The following RPS10 variants were observed in gnomAD, a reference collection of about 807,000 sequenced individuals.
RPS10 encodes the protein ribosomal protein S10.
In RPS10, 2 loss-of-function variants were observed where a neutral mutation model predicts 22.6. That is an observed-to-expected ratio of 0.09 (90% CI 0.04 to 0.28). RPS10 has a LOEUF of 0.28. RPS10 is among the 10% of genes least tolerant of loss of function. RPS10 has a pLI of 1.00. For missense variants in RPS10, 137 were observed against 222.2 expected (o/e 0.62, Z 2.44); for synonymous variants, 70 against 75.9 (o/e 0.92, Z 0.40).
rs368563040 is a variant in RPS10, at chr6:34,424,787, G to A, written c.204C>T (p.Tyr68=). 2.2e-5 allele frequency: 36 copies of A among 1,614,146 alleles called. No homozygotes were observed. The highest frequency in any genetic ancestry group is 1.6e-4 in the Middle Eastern group (1 of 6,062). ...GGATACCCTCATTGGTAAGGTACCA[G>A]TAGAAATGTCTCCAGGCAAACTGTT... ...VKEQFAWRHF[Y]WYLTNEGIQY... is the part of the protein sequence containing the mutation. Residue 68 remains tyrosine, a synonymous_variant, in exon 3 of 6, where the codon TAC becomes TAT. Coordinates refer to ENST00000648437, the MANE Select transcript of RPS10 (RefSeq NM_001014.5).
intron 4 of RPS10, among the ~76,000 whole-genome samples, chr6:34,418,786 A>G (rs896053539): frequency 6.6e-6 from 1 of 152,166 alleles, no homozygotes; most frequent in African/African-American, 2.4e-5. Flanking sequence ...AAAAGCCTTA[A>G]TTACCACCAT....
chr6:34,425,025 G>A, intron 2 of RPS10, 47 bp downstream of exon 2: 1 of 1,610,924 alleles, frequency 6.2e-7, no homozygotes, highest in Non-Finnish European at 8.5e-7. Context: ...CCCGGGATGG[G>A]ATCCCGGGGA....
chr6:34,421,988 G>T (rs1207793352), intron 3 of RPS10, among the ~76,000 whole-genome samples, 181 bp from the exon 4 acceptor site: 2 of 147,236 alleles, frequency 1.4e-5, no homozygotes, highest in East Asian at 2.0e-4. Flanking sequence ...TTTCTCCATA[G>T]AAACTTATTG....
At chr6:34,421,978 T>C (rs1765784516) in intron 3 of RPS10, among the ~76,000 whole-genome samples, 171 bp from the exon 4 acceptor site, 1 of 151,708 alleles carries the variant, frequency 6.6e-6, no homozygotes, top group Admixed American at 6.6e-5. Flanking sequence ...GAAATAATTA[T>C]TTCTCCATAG....
At chr6:34,418,013 G>A (rs1765635314) in intron 5 of RPS10, 1 of 702,110 alleles carries the variant, frequency 1.4e-6, no homozygotes, top group Non-Finnish European at 2.5e-6. Flanking sequence ...GAGGCAGAGG[G>A]GAACCTACCT....
chr6:34,424,589 C>T, intron 3 of RPS10, 80 bp downstream of exon 3: 4 of 1,568,768 alleles, frequency 2.5e-6, no homozygotes, highest in Admixed American at 3.6e-5. Context: ...CTAAAGCTGA[C>T]ATCAGCTAAG....
intron 5 of RPS10, 107 bp downstream of exon 5, chr6:34,418,262 T>C: frequency 6.3e-7 from 1 of 1,587,738 alleles, no homozygotes; most frequent in Non-Finnish European, 8.6e-7. Flanking sequence ...AGGGAACTGG[T>C]TGACAGGACC....
intron 3 of RPS10, among the ~76,000 whole-genome samples, chr6:34,422,361 T>G (rs1765797369): frequency 6.6e-6 from 1 of 152,140 alleles, no homozygotes; most frequent in Non-Finnish European, 1.5e-5. Context: ...GTCACCCAGG[T>G]TGGAGTGCAG....
rs147566753 is a variant in RPS10 at position 34,418,417 on chromosome 6, G to T, written c.408C>A (p.Ala136=). ...CAGCCCCAGCCTCGGCTTTCTTGTC[G>T]GCACCAGCTAGAAAGTGAAACATCG... ...TYRRSAVPPG[A]DKKAEAGAGS... Residue 136 remains alanine, a synonymous_variant, in exon 5 of 6, where the codon GCC becomes GCA. Transcript: ENST00000648437. 1.8e-5 allele frequency: 29 copies of T among 1,613,978 alleles called. No homozygotes were observed. The highest frequency in any genetic ancestry group is 2.4e-5 in the Non-Finnish European group (28 of 1,180,012).
At chr6:34,418,220 G>T (rs1476299279) in intron 5 of RPS10, 149 bp downstream of exon 5, 5 of 1,539,868 alleles carry the variant, frequency 3.2e-6, no homozygotes, top group Non-Finnish European at 4.4e-6. Context: ...ACAACTCAAT[G>T]TAAAATTTGG....
rs140983034 is a variant in RPS10 at position 34,418,863 on chromosome 6, C to A, written c.401-439G>T. Among the ~76,000 whole-genome samples, 1,134 of 152,256 alleles carry A rather than the reference C, an allele frequency of 7.4e-3. 8 individuals carry two copies. Among genetic ancestry groups the A allele is most frequent in the African/African-American group, 0.023 (975 of 41,536 alleles). ...GTCACAGTTCAAATGGAGACGTGTG[C>A]AAAATTCACCAGTTTTCTTTTACTT... is the stretch of plus-strand genomic sequence containing the variant. On this transcript the variant is annotated intron_variant, in intron 4 of 5. Transcript: ENST00000648437.
chr6:34,421,287 A>T (rs1436468344), intron 4 of RPS10, among the ~76,000 whole-genome samples: 2 of 151,826 alleles, frequency 1.3e-5, no homozygotes, highest in Non-Finnish European at 2.9e-5. Flanking sequence ...AGGTTCAAGC[A>T]ATTCTCATGC....
chr6:34,418,917 C>G (rs185155633), intron 4 of RPS10, among the ~76,000 whole-genome samples: 1 of 152,052 alleles, frequency 6.6e-6, no homozygotes, highest in East Asian at 1.9e-4. Flanking sequence ...CTCTGTCACC[C>G]AGGATGGAGT....
chr6:34,420,362 G>A (rs2113797997), intron 4 of RPS10, among the ~76,000 whole-genome samples: 1 of 152,106 alleles, frequency 6.6e-6, no homozygotes, highest in Middle Eastern at 3.4e-3. Context: ...ATTATTACAG[G>A]CAGGCACACA....
chr6:34,424,559 T>C, intron 3 of RPS10, 110 bp downstream of exon 3: 1 of 1,450,424 alleles, frequency 6.9e-7, no homozygotes, highest in African/African-American at 1.4e-5. Flanking sequence ...CTTGACCAAA[T>C]GCCTGCAGGC....
chr6:34,421,204 A>G (rs1451423491), intron 4 of RPS10, among the ~76,000 whole-genome samples: 1 of 149,514 alleles, frequency 6.7e-6, no homozygotes, highest in African/African-American at 2.5e-5. Context: ...TCCTCCCCCT[A>G]TCCTCGTGCC....
intron 3 of RPS10, among the ~76,000 whole-genome samples, chr6:34,423,216 AG>A (rs1192675732): frequency 6.6e-6 from 1 of 151,248 alleles, no homozygotes; most frequent in Non-Finnish European, 1.5e-5. Context: ...TTTGTTGTTC[AG>A]GCTGAGTGCC....
At chr6:34,419,830 G>A (rs1007838766) in intron 4 of RPS10, among the ~76,000 whole-genome samples, 7 of 152,048 alleles carry the variant, frequency 4.6e-5, no homozygotes, top group East Asian at 1.9e-4. Flanking sequence ...TGCCCGCCTC[G>A]GCCTCCCAAA....
At chr6:34,423,082 A>C (rs564166273) in intron 3 of RPS10, among the ~76,000 whole-genome samples, 4 of 152,088 alleles carry the variant, frequency 2.6e-5, no homozygotes, top group Admixed American at 6.5e-5. Flanking sequence ...CAAACAAACA[A>C]ACACAATCAG....
Sources: gnomAD v4.1 joint callset for allele counts (sites outside exome capture counted in the v4.1 genomes callset) on GRCh38, gnomAD v4.1.1 for gene constraint, MANE v1.5 for transcripts, NCBI Gene and HGNC (gene_info 2026-07-23, HGNC 2026-07-21) for gene names.